SBNO2: variants seen among roughly 807,000 people sequenced by gnomAD.
SBNO2 encodes strawberry notch homolog 2.
Under a neutral mutation model 146.3 loss-of-function variants are expected in SBNO2, and 89 were observed. The observed-to-expected ratio is 0.61, with a 90% CI of 0.51 to 0.73. The LOEUF (loss-of-function observed/expected upper bound fraction) is 0.73. Ranked by LOEUF, SBNO2 falls within the 30% of genes least tolerant of loss-of-function variation. SBNO2 has a pLI of 0.00. For synonymous variants in SBNO2, 1,147 were observed against 892.6 expected (o/e 1.29, Z -5.08); for missense variants, 2,092 against 2,003.7 (o/e 1.04, Z -0.84).
chr19:1,155,649 C>T (rs1295769453), intron 1 of SBNO2, among the ~76,000 whole-genome samples: 2 of 152,228 alleles, frequency 1.3e-5, no homozygotes, highest in African/African-American at 2.4e-5. Context: ...AGTTGAATAA[C>T]CTCAGACACC....
Position 1,159,046 on chromosome 19 carries a change from T to C in SBNO2, c.-126-4644A>G, listed in dbSNP as rs1275050655. 2.1e-5 allele frequency among the ~76,000 whole-genome samples: 3 copies of C among 145,642 alleles called. No homozygotes were observed. The East Asian group carries it at 6.1e-4, about 30-fold the overall frequency. ...GCAGCCATGACCCCACCTGCAGCCATGACCCCACCTGCGGCTGCAACCGCC... is the reference window on the plus strand; with the variant it reads ...GCAGCCATGACCCCACCTGCAGCCACGACCCCACCTGCGGCTGCAACCGCC... On this transcript the variant is annotated intron_variant, in intron 1 of 31. Transcript: ENST00000361757.
At position 1,119,998 on chromosome 19, in the gene SBNO2, G is replaced by C; in HGVS notation, c.1175C>G (p.Ala392Gly). 1 of 1,551,334 alleles carries C rather than the reference G, an allele frequency of 6.4e-7. No individual in the cohort carries two copies. Among genetic ancestry groups the C allele is most frequent in the Non-Finnish European group, 8.7e-7 (1 of 1,147,168 alleles). ...CATCTTGGTGGAGCCGGCATTCTTGGCTTTGTGACACTCGTCGAACACGAT... is the reference window on the plus strand; with the variant it reads ...CATCTTGGTGGAGCCGGCATTCTTGCCTTTGTGACACTCGTCGAACACGAT... ...GVIVFDECHK[A>G]KNAGSTKMGK... is the part of the protein sequence containing the mutation. Residue 392 changes from alanine to glycine, a missense_variant, in exon 12 of 32, where the codon GCC becomes GGC. Physicochemically the swap from Ala to Gly is moderately conservative, Grantham distance 60. Transcript: ENST00000361757.
chr19:1,108,764 C>T lies in SBNO2; in HGVS notation c.3616+15G>A, dbSNP rs1381980973. 6.3e-7 allele frequency: 1 copy of T among 1,598,450 alleles called. No homozygotes were observed. Among genetic ancestry groups the T allele is most frequent in the Non-Finnish European group, 8.5e-7 (1 of 1,177,872 alleles). ...GGGGGCTCGGGCCTTCCCGGGGCGC[C>T]CGCCGCCCACTCACCCACTTGCTTC... On this transcript the variant is annotated intron_variant, in intron 31 of 31. Coordinates refer to ENST00000361757, the MANE Select transcript of SBNO2 (RefSeq NM_014963.3).
At chr19:1,135,173 G>A (rs1222722513) in intron 4 of SBNO2, among the ~76,000 whole-genome samples, 1 of 151,950 alleles carries the variant, frequency 6.6e-6, no homozygotes, top group Non-Finnish European at 1.5e-5. Context: ...ACCAGCCTGG[G>A]CAACATAGTG....
intron 2 of SBNO2, among the ~76,000 whole-genome samples, chr19:1,151,399 G>A (rs534942811): frequency 1.3e-5 from 2 of 152,300 alleles, no homozygotes; most frequent in African/African-American, 4.8e-5. Context: ...GATGGGACGG[G>A]GGGAAAGTCC....
Position 1,108,256 on chromosome 19 carries a change from G to A in SBNO2, c.4065C>T (p.Phe1355=), listed in dbSNP as rs1302998482. ...GGPERQSVIQ[F]SPPFPGAQAP... is the part of the protein sequence containing the mutation. ...CCTGGGCGCCGGGGAAGGGTGGGCT[G>A]AACTGGATCACGCTCTGCCGCTCGG... Residue 1355 remains phenylalanine, a synonymous_variant, in exon 32 of 32, where the codon TTC becomes TTT. Transcript: ENST00000361757. 2 of 1,525,980 alleles carry A rather than the reference G, an allele frequency of 1.3e-6. No homozygotes were observed. Among genetic ancestry groups the A allele is most frequent in the East Asian group, 2.6e-5 (1 of 38,110 alleles). 94.5% of individuals were successfully genotyped at this position (1,525,980 alleles called of 1,614,324 possible).
At chr19:1,161,927 T>G (rs927809256) in intron 1 of SBNO2, among the ~76,000 whole-genome samples, 1,873 of 8,038 alleles carry the variant, frequency 0.23, 4 homozygotes, top group African/African-American at 0.28. Flanking sequence ...GGGGGGGGGT[T>G]GGGCCAGGCC....
chr19:1,155,312 G>A (rs1317440430), intron 1 of SBNO2, among the ~76,000 whole-genome samples: 1 of 152,220 alleles, frequency 6.6e-6, no homozygotes. Flanking sequence ...CGGCGCTCCA[G>A]AGACAGTGGC....
rs978373962 is a variant in SBNO2, at chr19:1,154,383, G to A, written c.-107C>T. The A allele has an allele frequency of 2.4e-5, 12 of 495,992 alleles. No individual in the cohort carries two copies. The highest frequency in any genetic ancestry group is 3.5e-5 in the Non-Finnish European group (11 of 316,674). The allele number at this position is 495,992 out of a possible 1,614,324, so 30.7% of individuals were successfully genotyped here. A position where few individuals can be genotyped will look rare whatever the true frequency, so the allele number is the denominator to read the frequency against. On this transcript the variant is annotated 5_prime_UTR_variant, in exon 2 of 32. Transcript: ENST00000361757. ...GGGCTTCTCGCTCCGTGGTGGCGGC[G>A]GTGGCGGCAGCATCATGATCTGCAG...
At chr19:1,151,097 C>G (rs2080238364) in intron 2 of SBNO2, among the ~76,000 whole-genome samples, 1 of 152,232 alleles carries the variant, frequency 6.6e-6, no homozygotes, top group South Asian at 2.1e-4. Context: ...TCCTCCTGCC[C>G]TTTTGGGAAG....
At position 1,122,641 on chromosome 19, in the gene SBNO2, C is replaced by G; in HGVS notation, c.914+17G>C. 6.5e-7 allele frequency: 1 copy of G among 1,529,758 alleles called. No individual in the cohort carries two copies. 94.8% of individuals were successfully genotyped at this position (1,529,758 alleles called of 1,614,324 possible). The stretch of plus-strand genomic sequence containing the variant: ...CCCCACCCCCGCTCCCGCCCCCTGC[C>G]CCAGGCAGGGCCTCACCACAATGCT... On this transcript the variant is annotated intron_variant, in intron 9 of 31. Transcript: ENST00000361757.
In SBNO2 at chr19:1,108,529, CG is replaced by C. The variant is rs1447461489; in HGVS notation, c.3791del (p.Pro1264ArgfsTer89). On this transcript the variant is annotated frameshift_variant, in exon 32 of 32. Coordinates refer to ENST00000361757, the MANE Select transcript of SBNO2 (RefSeq NM_014963.3). LOFTEE classifies it low-confidence loss of function (END_TRUNC). ...GCGGGGGCGGCGGGAAGGCCTCGGC[CG>C]GGGGGCTGTAGGTGAGGTCCAGCAC... ...GEVLDLTYSP[P>X]AEAFPPPPHF... The C allele has an allele frequency of 8.6e-7, 1 of 1,157,998 alleles. No individual in the cohort carries two copies. The highest frequency in any genetic ancestry group is 1.1e-6 in the Non-Finnish European group (1 of 942,836). 71.7% of individuals were successfully genotyped at this position (1,157,998 alleles called of 1,614,324 possible).
intron 4 of SBNO2, among the ~76,000 whole-genome samples, chr19:1,134,090 T>C (rs1271708074): frequency 2.1e-5 from 3 of 139,634 alleles, no homozygotes; most frequent in Non-Finnish European, 4.6e-5. Flanking sequence ...CCACAGCTCA[T>C]AGGCGCCTGG....
At position 1,122,983 on chromosome 19, in the gene SBNO2, G is replaced by A. The variant is rs1394658147; in HGVS notation, c.691C>T (p.Pro231Ser). 2.5e-6 allele frequency: 4 copies of A among 1,577,816 alleles called. No homozygotes were observed. The highest frequency in any genetic ancestry group is 2.6e-6 in the Non-Finnish European group (3 of 1,162,640). ...GCCAGGGTGTAGGTGATGTCTGGGG[G>A]TGGGACGCTGGACAGTGTGCTGGTC... ...VETSTLSSVP[P>S]PDITYTLALP... The change falls in exon 8 of 32, where the codon CCC (proline) becomes TCC (serine). Residue 231 changes from proline to serine, a missense_variant. By Grantham distance (74) the Pro-to-Ser change is moderately conservative. Transcript: ENST00000361757.
chr19:1,108,501 A>T lies in SBNO2; in HGVS notation c.3820T>A (p.Phe1274Ile). ...AGGGACAGCGGCGCCGGGAAAGAGA[A>T]GTGCGGGGGCGGCGGGAAGGCCTCG... Reference protein sequence around the residue: ...PAEAFPPPPHFSFPAPLSLDA... With the variant: ...PAEAFPPPPHISFPAPLSLDA... Residue 1274 changes from phenylalanine (F) to isoleucine (I), a missense_variant, in exon 32 of 32, where the codon TTC (phenylalanine) becomes ATC (isoleucine). Phe to Ile is a conservative substitution (Grantham distance 21). Transcript: ENST00000361757. The T allele has an allele frequency of 8.3e-7, 1 of 1,211,656 alleles. No homozygotes were observed. Among genetic ancestry groups the T allele is most frequent in the Non-Finnish European group, 1.0e-6 (1 of 972,386 alleles). The allele number at this position is 1,211,656 out of a possible 1,614,324, so 75.1% of individuals were successfully genotyped here.
In SBNO2 at chr19:1,108,587, CGCGGGGCGG is replaced by C. The variant is rs981618143; in HGVS notation, c.3725_3733del (p.Pro1242_Pro1244del). On this transcript the variant is annotated inframe_deletion, in exon 32 of 32. Transcript: ENST00000361757. The stretch of plus-strand genomic sequence containing the variant: ...GGGGCCGCAAGGCAGCGCCAGCGGG[CGCGGGGCGG>C]GCGGGGCGGGGCAGCCCAGGGCGGG... 1.2e-4 allele frequency: 142 copies of C among 1,175,112 alleles called. No homozygotes were observed. Among genetic ancestry groups the C allele is most frequent in the Middle Eastern group, 3.4e-4 (1 of 2,914 alleles). The allele number at this position is 1,175,112 out of a possible 1,614,324, so 72.8% of individuals were successfully genotyped here.
Position 1,119,561 on chromosome 19 carries a change from G to C in SBNO2, c.1328C>G (p.Thr443Arg). The C allele has an allele frequency of 6.2e-7, 1 of 1,611,560 alleles. No individual in the cohort carries two copies. The highest frequency in any genetic ancestry group is 8.5e-7 in the Non-Finnish European group (1 of 1,179,078). The change falls in exon 13 of 32, where the codon ACA (threonine) becomes AGA (arginine). Residue 443 changes from threonine to arginine, a missense_variant. Thr to Arg is a moderately conservative substitution (Grantham distance 71, BLOSUM62 -1). Coordinates refer to ENST00000361757, the MANE Select transcript of SBNO2 (RefSeq NM_014963.3). The part of the protein sequence containing the change: ...MSRLGIWGEG[T>R]PFRNFEEFLH... ...GAACTCCTCAAAGTTCCGGAAGGGT[G>C]TGCCCTCGCCCCAGATACCCAAGCG...
In SBNO2 at chr19:1,123,609, C is replaced by T; in HGVS notation, c.553G>A (p.Glu185Lys). Residue 185 changes from glutamate to lysine, a missense_variant, in exon 7 of 32, where the codon GAG becomes AAG. Transcript: ENST00000361757. ...GCCTCCTCCTCCTCAGCCTCGTCCTCCTCCTCTGGCTGGCTCTGCACACTC... is the reference window on the plus strand; with the variant it reads ...GCCTCCTCCTCCTCAGCCTCGTCCTTCTCCTCTGGCTGGCTCTGCACACTC... ...EQSVQSQPEEEDEAEEEEAEE... is the reference protein window; with the variant it reads ...EQSVQSQPEEKDEAEEEEAEE... 1 of 1,613,302 alleles carries T rather than the reference C, an allele frequency of 6.2e-7. No individual in the cohort carries two copies. The highest frequency in any genetic ancestry group is 8.5e-7 in the Non-Finnish European group (1 of 1,179,734).
chr19:1,138,727 C>A lies in SBNO2; in HGVS notation c.279+8582G>T, dbSNP rs143871088. ...TCACAGACGGACACAGTGGGGCCCT[C>A]CACGCCTCCATCACAGACAGACACA... On this transcript the variant is annotated intron_variant, in intron 4 of 31. Transcript: ENST00000361757. 9.9e-3 allele frequency among the ~76,000 whole-genome samples: 1,481 copies of A among 149,734 alleles called. 17 individuals are homozygous for A. The highest frequency in any genetic ancestry group is 0.035 in the African/African-American group (1,404 of 40,442).
Sources: allele counts gnomAD v4.1 joint callset (sites outside exome capture counted in the v4.1 genomes callset), GRCh38; gene constraint gnomAD v4.1.1; transcripts MANE v1.5; gene names NCBI Gene and HGNC (gene_info 2026-07-23, HGNC 2026-07-21).